The following BRINP1 variants were observed in gnomAD, a reference collection of about 807,000 sequenced individuals.
BRINP1 encodes the protein BMP/retinoic acid inducible neural specific 1.
BRINP1 carries 17 observed loss-of-function variants against 72.9 expected under a neutral mutation model. The ratio of observed to expected loss-of-function variants is 0.23; its 90% CI spans 0.16 to 0.35. BRINP1 has a LOEUF of 0.35. BRINP1 is among the 10% of genes least tolerant of loss of function. BRINP1 has a pLI of 1.00. For synonymous variants in BRINP1, 418 were observed against 378.5 expected, an observed-to-expected ratio of 1.10 and a Z score of -1.21; for missense variants, 850 against 1,001.6, an observed-to-expected ratio of 0.85 and a Z score of 2.04.
chr9:119,368,080 A>C lies in BRINP1; in HGVS notation c.-51+976T>G, dbSNP rs1831714432. Among the ~76,000 whole-genome samples the C allele has an allele frequency of 1.3e-5, 2 of 152,202 alleles. No homozygotes were observed. Among genetic ancestry groups the C allele is most frequent in the Admixed American group, 1.3e-4 (2 of 15,290 alleles). ...AGACCCTTTGCAACTGTGATGGATG[A>C]GCAAGTCCCCGAGGACGCTTTCTCC... On this transcript the variant is annotated intron_variant, in intron 1 of 7. Coordinates refer to ENST00000265922, the MANE Select transcript of BRINP1 (RefSeq NM_014618.3). This position sits in a 1 kb window ranked among gnomAD's most constrained non-coding sequence, Gnocchi z 4.7.
rs928925397 is a variant in BRINP1, at chr9:119,176,858, G to A, written c.1146-8634C>T. ...TGGCTTCCCAGCATGCTTTGCTTTC[G>A]ATGAGTTGCTTATCGGCTGGGAAAA... On this transcript the variant is annotated intron_variant, in intron 7 of 7. Transcript: ENST00000265922. 7.2e-5 allele frequency among the ~76,000 whole-genome samples: 11 copies of A among 152,240 alleles called. No individual in the cohort carries two copies. In the East Asian group the frequency reaches 1.7e-3, roughly 24 times the overall value.
At chr9:119,259,154 T>TCTGATA (rs1830474409) in intron 2 of BRINP1, among the ~76,000 whole-genome samples, 2 of 152,184 alleles carry the variant, frequency 1.3e-5, no homozygotes, top group South Asian at 4.1e-4. Context: ...ACAAAGACAT[T>TCTGATA]CTGATACTGT....
chr9:119,185,918 G>A (rs1049461807), intron 7 of BRINP1, among the ~76,000 whole-genome samples: 7 of 152,200 alleles, frequency 4.6e-5, no homozygotes, highest in Non-Finnish European at 8.8e-5. Flanking sequence ...TTTCTCTAGT[G>A]GCCAGTAGCC....
intron 1 of BRINP1, among the ~76,000 whole-genome samples, chr9:119,361,907 G>A (rs954445584): frequency 3.4e-5 from 5 of 149,118 alleles, no homozygotes; most frequent in East Asian, 4.1e-4. Context: ...GGGTTCAAGC[G>A]ATTCTCCTGT....
At chr9:119,234,254 C>T (rs1040369184) in intron 5 of BRINP1, among the ~76,000 whole-genome samples, 1 of 152,106 alleles carries the variant, frequency 6.6e-6, no homozygotes, top group African/African-American at 2.4e-5. Context: ...GCCTAAGTTC[C>T]CATTGCTTCA....
intron 7 of BRINP1, among the ~76,000 whole-genome samples, chr9:119,190,086 A>G (rs1416026227): frequency 6.6e-6 from 1 of 152,070 alleles, no homozygotes; most frequent in African/African-American, 2.4e-5. Context: ...AGGTCAAAGA[A>G]GAAATCAAAA....
Position 119,289,494 on chromosome 9 carries a change from C to T in BRINP1, c.218+23644G>A, listed in dbSNP as rs140160244. Among the ~76,000 whole-genome samples the T allele has an allele frequency of 2.3e-4, 35 of 152,196 alleles. No individual in the cohort carries two copies. The South Asian group carries it at 4.4e-3, about 19-fold the overall frequency. ...ATTGCAATTATGGGACTGAAAGAAGCTGATGGCATGAGTTAGAGGTAGAAA... is the reference window on the plus strand; with the variant it reads ...ATTGCAATTATGGGACTGAAAGAAGTTGATGGCATGAGTTAGAGGTAGAAA... On this transcript the variant is annotated intron_variant, in intron 2 of 7. Transcript: ENST00000265922.
intron 1 of BRINP1, among the ~76,000 whole-genome samples, chr9:119,341,799 T>C (rs1044856802): frequency 6.6e-6 from 1 of 152,196 alleles, no homozygotes; most frequent in African/African-American, 2.4e-5. Context: ...AGTCTCACTC[T>C]ATCACGTATG....
intron 1 of BRINP1, among the ~76,000 whole-genome samples, chr9:119,358,285 T>C (rs1208230445): frequency 1.3e-5 from 2 of 151,954 alleles, no homozygotes; most frequent in East Asian, 1.9e-4. Context: ...TACCCTGTCT[T>C]ATACATTAGA....
chr9:119,238,820 C>G, intron 4 of BRINP1, 60 bp from the exon 5 acceptor site: 1 of 1,147,146 alleles, frequency 8.7e-7, no homozygotes, highest in East Asian at 2.6e-5. Context: ...GGACATACCC[C>G]AAAGAGTCAT....
chr9:119,361,993 C>T lies in BRINP1; in HGVS notation c.-51+7063G>A, dbSNP rs148126641. ...TATTTTTGTATTTTTAGTAGAGACA[C>T]GGATTCACCATGTTGGTCAGGCTGG... On this transcript the variant is annotated intron_variant, in intron 1 of 7. Transcript: ENST00000265922. Among the ~76,000 whole-genome samples the T allele has an allele frequency of 8.2e-4, 125 of 151,734 alleles. 1 individual carries two copies. The highest frequency in any genetic ancestry group is 3.4e-3 in the Middle Eastern group (1 of 294).
intron 2 of BRINP1, among the ~76,000 whole-genome samples, chr9:119,274,824 A>G (rs1423063551): frequency 6.6e-6 from 1 of 152,298 alleles, no homozygotes; most frequent in East Asian, 1.9e-4. Context: ...TGCAGCACTT[A>G]GCTTGGAGGA....
chr9:119,179,593 C>A (rs1449628895), intron 7 of BRINP1, among the ~76,000 whole-genome samples: 2 of 152,184 alleles, frequency 1.3e-5, no homozygotes, highest in African/African-American at 4.8e-5. Flanking sequence ...GTGTTTTCTA[C>A]ATCATGGCAG....
At chr9:119,191,577 T>G (rs1829684506) in intron 7 of BRINP1, among the ~76,000 whole-genome samples, 1 of 151,814 alleles carries the variant, frequency 6.6e-6, no homozygotes, top group Non-Finnish European at 1.5e-5. Context: ...TAAAGACTTG[T>G]GCACTGAAAA....
chr9:119,365,398 A>G (rs1232150048), intron 1 of BRINP1, among the ~76,000 whole-genome samples: 5 of 152,220 alleles, frequency 3.3e-5, no homozygotes, highest in African/African-American at 1.2e-4. Flanking sequence ...TGTCTTTAAC[A>G]TGGTTACCAG....
chr9:119,307,889 G>C (rs1240490084), intron 2 of BRINP1, among the ~76,000 whole-genome samples: 1 of 152,210 alleles, frequency 6.6e-6, no homozygotes, highest in Non-Finnish European at 1.5e-5. Flanking sequence ...TTGGGAGGCA[G>C]CTGGGCAAGG....
At chr9:119,238,822 A>C in intron 4 of BRINP1, 62 bp from the exon 5 acceptor site, 1 of 1,101,096 alleles carries the variant, frequency 9.1e-7, no homozygotes, top group Non-Finnish European at 1.3e-6. Flanking sequence ...ACATACCCCA[A>C]AGAGTCATGC....
chr9:119,180,548 G>A (rs889163025), intron 7 of BRINP1, among the ~76,000 whole-genome samples: 5 of 151,660 alleles, frequency 3.3e-5, no homozygotes, highest in East Asian at 1.9e-4. Flanking sequence ...AGATGAATAC[G>A]TCAAGTCAGT....
At chr9:119,289,547 A>G (rs1008691266) in intron 2 of BRINP1, among the ~76,000 whole-genome samples, 10 of 152,244 alleles carry the variant, frequency 6.6e-5, no homozygotes, top group Non-Finnish European at 1.5e-4. Context: ...AAGGTAAATT[A>G]GAAGCAATAG....
Sources: gnomAD v4.1 joint callset for allele counts (sites outside exome capture counted in the v4.1 genomes callset) on GRCh38, gnomAD v4.1.1 for gene constraint, Gnocchi (gnomAD v3.1) non-coding constraint, MANE v1.5 for transcripts, NCBI Gene and HGNC (gene_info 2026-07-23, HGNC 2026-07-21) for gene names.